The following MRTFA variants were observed in gnomAD, a reference collection of about 807,000 sequenced individuals.
The protein encoded by MRTFA is myocardin related transcription factor A.
A neutral mutation model predicts 83.5 loss-of-function variants in MRTFA; 20 were observed. That is an observed-to-expected ratio of 0.24 (90% CI 0.17 to 0.35). The LOEUF is 0.35. Among genes scored for constraint, MRTFA ranks in the 10% least tolerant of loss-of-function variants. The pLI is 1.00. For missense variants in MRTFA, 1,200 were observed against 1,224.7 expected (o/e 0.98, Z 0.30); for synonymous variants, 659 against 541.2 (o/e 1.22, Z -3.02).
intron 3 of MRTFA, among the ~76,000 whole-genome samples, chr22:40,480,394 A>C (rs919917667): frequency 1.3e-5 from 2 of 151,966 alleles, no homozygotes; most frequent in African/African-American, 4.8e-5. Context: ...GATTACAGTC[A>C]TGATGAAACA....
At position 40,475,102 on chromosome 22, in the gene MRTFA, G is replaced by A. The variant is rs539132995; in HGVS notation, c.242-11816C>T. 1.8e-3 allele frequency among the ~76,000 whole-genome samples: 231 copies of A among 128,794 alleles called. 2 individuals are homozygous for A. Among genetic ancestry groups the A allele is most frequent in the East Asian group, 3.5e-4 (1 of 2,894 alleles). The allele number at this position is 128,794 out of a possible 152,430, so 84.5% of individuals were successfully genotyped here. ...GATCCGCCTGCCTTGGCCTCCCAAC[G>A]TGCTGGGATTACAGGTGTGAGCCAC... On this transcript the variant is annotated intron_variant, in intron 3 of 14. Coordinates refer to ENST00000355630, the MANE Select transcript of MRTFA (RefSeq NM_020831.6).
At chr22:40,423,750 G>T (rs772309634) in intron 8 of MRTFA, 65 bp from the exon 9 acceptor site, 29 of 1,407,420 alleles carry the variant, frequency 2.1e-5, no homozygotes, top group Non-Finnish European at 2.6e-5. Flanking sequence ...AGCCTGCCCT[G>T]ACCCTACACA....
chr22:40,436,923 T>G (rs921956576), intron 4 of MRTFA, among the ~76,000 whole-genome samples: 10 of 152,130 alleles, frequency 6.6e-5, no homozygotes, highest in African/African-American at 2.4e-4. Context: ...GTTGTGCTTC[T>G]TCCTCCTTCC....
intron 3 of MRTFA, among the ~76,000 whole-genome samples, chr22:40,489,349 T>A (rs906089425): frequency 1.9e-4 from 26 of 136,268 alleles, no homozygotes; most frequent in African/African-American, 6.8e-4. Flanking sequence ...TAATTTCAAA[T>A]TTTTTTTTTT....
In MRTFA at chr22:40,466,564, T is replaced by C. The variant is rs17001941; in HGVS notation, c.242-3278A>G. 3.3e-3 allele frequency among the ~76,000 whole-genome samples: 502 copies of C among 152,314 alleles called. 24 individuals carry two copies. In the East Asian group the frequency reaches 0.089, roughly 27 times the overall value. On this transcript the variant is annotated intron_variant, in intron 3 of 14. Coordinates refer to ENST00000355630, the MANE Select transcript of MRTFA (RefSeq NM_020831.6). ...CTAAGAGGGATAAAAGGGCAAATAA[T>C]TGTCATCTTTTAGAGTGTTTCTAAA... is the stretch of plus-strand genomic sequence containing the variant.
Position 40,633,648 on chromosome 22 carries a change from C to T in MRTFA, c.-84+2830G>A, listed in dbSNP as rs553782533. Among the ~76,000 whole-genome samples, 4 of 151,924 alleles carry T rather than the reference C, an allele frequency of 2.6e-5. No homozygotes were observed. In the East Asian group the frequency reaches 7.7e-4, roughly 29 times the overall value. On this transcript the variant is annotated intron_variant, in intron 1 of 14. Transcript: ENST00000355630. ...AGGCCATACTTTTTAGGAAATATCACCAAATTTATAAGTATAAAATATATA... is the reference window on the plus strand; with the variant it reads ...AGGCCATACTTTTTAGGAAATATCATCAAATTTATAAGTATAAAATATATA...
chr22:40,530,658 G>A (rs1254829973), intron 3 of MRTFA, among the ~76,000 whole-genome samples: 1 of 152,238 alleles, frequency 6.6e-6, no homozygotes, highest in East Asian at 1.9e-4. Context: ...TGTTTCCATA[G>A]TAGTGAGAAA....
chr22:40,438,878 T>G (rs2053220920), intron 4 of MRTFA, among the ~76,000 whole-genome samples: 2 of 152,190 alleles, frequency 1.3e-5, no homozygotes, highest in Admixed American at 1.3e-4. Context: ...GATTACTCTA[T>G]ATGAATTCCT....
At chr22:40,418,297 T>C (rs1262208117) in intron 12 of MRTFA, 77 bp downstream of exon 12, 2 of 1,545,456 alleles carry the variant, frequency 1.3e-6, no homozygotes, top group Non-Finnish European at 1.7e-6. Context: ...AGGGGTCCCC[T>C]GGCCCAAGAG....
intron 1 of MRTFA, among the ~76,000 whole-genome samples, chr22:40,632,631 TC>T (rs1001588728): frequency 1.8e-4 from 27 of 152,208 alleles, no homozygotes; most frequent in African/African-American, 6.3e-4. Context: ...CGACGGGGTT[TC>T]CCCATGTTGG....
rs1470967499 is a variant in MRTFA, at chr22:40,418,515, A to G, written c.2223T>C (p.Leu741=). 6.3e-7 allele frequency: 1 copy of G among 1,595,502 alleles called. No individual in the cohort carries two copies. The highest frequency in any genetic ancestry group is 8.5e-7 in the Non-Finnish European group (1 of 1,174,356). Residue 741 remains leucine, a synonymous_variant, in exon 12 of 15, where the codon CTT becomes CTC. Coordinates refer to ENST00000355630, the MANE Select transcript of MRTFA (RefSeq NM_020831.6). ...TGAGGCTGGGGCCCTGAGGCCCCAG[A>G]AGCAACTGGGGGGCGGGGACCGGCT...
intron 2 of MRTFA, among the ~76,000 whole-genome samples, chr22:40,582,685 C>T (rs1047315414): frequency 1.3e-5 from 2 of 152,052 alleles, no homozygotes; most frequent in Non-Finnish European, 1.5e-5. Flanking sequence ...CACACACACA[C>T]ACACACACAC....
At chr22:40,598,395 T>A (rs1352655111) in intron 1 of MRTFA, among the ~76,000 whole-genome samples, 1 of 152,120 alleles carries the variant, frequency 6.6e-6, no homozygotes, top group Non-Finnish European at 1.5e-5. Flanking sequence ...TTTATCAGCA[T>A]TAGAGAAATG....
At chr22:40,448,958 G>T (rs1035760216) in intron 4 of MRTFA, among the ~76,000 whole-genome samples, 3 of 152,142 alleles carry the variant, frequency 2.0e-5, no homozygotes, top group African/African-American at 7.2e-5. Context: ...AGCGTCAGCT[G>T]TCTTAGAAAT....
At chr22:40,438,801 T>C (rs1411327303) in intron 4 of MRTFA, among the ~76,000 whole-genome samples, 1 of 152,184 alleles carries the variant, frequency 6.6e-6, no homozygotes, top group Non-Finnish European at 1.5e-5. Flanking sequence ...GTATAGGATT[T>C]GGTACCATCT....
intron 1 of MRTFA, among the ~76,000 whole-genome samples, chr22:40,595,059 C>G (rs1358866538): frequency 6.6e-6 from 1 of 151,478 alleles, no homozygotes; most frequent in African/African-American, 2.4e-5. Context: ...ATCCTTATAT[C>G]CAAATGACAA....
chr22:40,563,885 G>A (rs1227858955), intron 2 of MRTFA, among the ~76,000 whole-genome samples: 1 of 152,180 alleles, frequency 6.6e-6, no homozygotes, highest in East Asian at 1.9e-4. Context: ...TATGGCAGTG[G>A]AGTTAGACTG....
intron 14 of MRTFA, among the ~76,000 whole-genome samples, chr22:40,413,137 CAAAAAAAAAAAAAAAAA>C (rs35119560): frequency 1.8e-4 from 5 of 28,138 alleles, no homozygotes; most frequent in African/African-American, 7.4e-4. Context: ...CACCCTGTCT[CAAAAAAAAAAAAAAAAA>C]AAAAAAAAAA....
At chr22:40,576,641 T>G (rs1479003242) in intron 2 of MRTFA, among the ~76,000 whole-genome samples, 1 of 152,190 alleles carries the variant, frequency 6.6e-6, no homozygotes, top group Admixed American at 6.6e-5. Flanking sequence ...GTCCCAAAAA[T>G]GGACTAGGGA....
Sources: gnomAD v4.1 joint callset for allele counts (sites outside exome capture counted in the v4.1 genomes callset) on GRCh38, gnomAD v4.1.1 for gene constraint, MANE v1.5 for transcripts, NCBI Gene and HGNC (gene_info 2026-07-23, HGNC 2026-07-21) for gene names.